GYPC: variants seen among roughly 807,000 people sequenced by gnomAD.
GYPC encodes the protein glycophorin C (Gerbich blood group), also known as glycophorin-C.
Under a neutral mutation model 12.6 loss-of-function variants are expected in GYPC, and 14 were observed. The ratio of observed to expected loss-of-function variants is 1.11; its 90% confidence interval spans 0.74 to 1.74. The LOEUF (loss-of-function observed/expected upper bound fraction) is 1.74. GYPC is among the 40% of genes most tolerant of loss of function. GYPC has a pLI of 0.00. For synonymous variants in GYPC, 78 were observed against 62.1 expected (o/e 1.26, Z -1.20); for missense variants, 225 against 172.1 (o/e 1.31, Z -1.72).
chr2:126,667,370 T>C (rs1018808921), intron 1 of GYPC, among the ~76,000 whole-genome samples: 1 of 152,160 alleles, frequency 6.6e-6, no homozygotes, highest in African/African-American at 2.4e-5. Flanking sequence ...CCTACATGCA[T>C]TGCCTATCAC....
At position 126,656,239 on chromosome 2, in the gene GYPC, T is replaced by C; in HGVS notation, c.-25T>C. ...GGCCCGGCCTGGCCAGTCCCCGCGGTCTCTGCCCGGGCTGACGCCCAGGAA... is the reference window on the plus strand; with the variant it reads ...GGCCCGGCCTGGCCAGTCCCCGCGGCCTCTGCCCGGGCTGACGCCCAGGAA... On this transcript the variant is annotated 5_prime_UTR_variant, in exon 1 of 4. Transcript: ENST00000259254. 6.3e-7 allele frequency: 1 copy of C among 1,589,432 alleles called. No individual in the cohort carries two copies. The highest frequency in any genetic ancestry group is 8.5e-7 in the Non-Finnish European group (1 of 1,169,984).
rs188201809 is a variant in GYPC, at chr2:126,680,387, C to A, written c.50-9868C>A. The A allele has an allele frequency of 1.1e-4, 17 of 152,268 alleles. No individual in the cohort carries two copies. In the East Asian group the frequency reaches 3.3e-3, roughly 29 times the overall value. 9.4% of individuals were successfully genotyped at this position (152,268 alleles called of 1,614,324 possible). A position where few individuals can be genotyped will look rare whatever the true frequency, so the allele number is the denominator to read the frequency against. On this transcript the variant is annotated intron_variant, in intron 1 of 3. Coordinates refer to ENST00000259254, the MANE Select transcript of GYPC (RefSeq NM_002101.5). ...AATCCAAGGGACAACCCGGAGCCTCCCCTCAAATAATCCTGGCAGCGGACT... is the reference window on the plus strand; with the variant it reads ...AATCCAAGGGACAACCCGGAGCCTCACCTCAAATAATCCTGGCAGCGGACT...
intron 1 of GYPC, among the ~76,000 whole-genome samples, chr2:126,676,086 C>G (rs948407348): frequency 6.6e-6 from 1 of 152,230 alleles, no homozygotes; most frequent in Non-Finnish European, 1.5e-5. Context: ...CTAGGAGCCT[C>G]TAATCCTGAT....
At chr2:126,666,555 T>C (rs1682683873) in intron 1 of GYPC, among the ~76,000 whole-genome samples, 1 of 152,164 alleles carries the variant, frequency 6.6e-6, no homozygotes, top group Admixed American at 6.5e-5. Flanking sequence ...ACTGGACCAG[T>C]CCTCGGTCCC....
rs537731907 is a variant in GYPC at position 126,670,552 on chromosome 2, T to C, written c.49+14240T>C. Among the ~76,000 whole-genome samples, 6 of 152,324 alleles carry C rather than the reference T, an allele frequency of 3.9e-5. No individual in the cohort carries two copies. In the East Asian group the frequency reaches 1.2e-3, roughly 29 times the overall value. The stretch of plus-strand genomic sequence containing the variant: ...GGGACTGAGGCAGCAGGGATGTGCC[T>C]GCGCTCTGACAAGAAGCAGGATATC... On this transcript the variant is annotated intron_variant, in intron 1 of 3. Transcript: ENST00000259254.
chr2:126,680,579 T>A (rs966292360), intron 1 of GYPC, among the ~76,000 whole-genome samples: 1 of 152,196 alleles, frequency 6.6e-6, no homozygotes, highest in Non-Finnish European at 1.5e-5. Context: ...GCCCAGCCTC[T>A]GACCTGCTCC....
At chr2:126,690,214 G>T (rs149219236) in intron 1 of GYPC, 41 bp from the exon 2 acceptor site, 67 of 1,505,310 alleles carry the variant, frequency 4.5e-5, no homozygotes, top group Non-Finnish European at 6.1e-5. Flanking sequence ...GGCATGGAGA[G>T]TCTTCCTCTC....
chr2:126,665,333 G>A (rs189483401), intron 1 of GYPC, among the ~76,000 whole-genome samples: 3 of 152,132 alleles, frequency 2.0e-5, no homozygotes, highest in Admixed American at 6.5e-5. Context: ...ATTCATTGTT[G>A]TTAATATCTT....
intron 1 of GYPC, among the ~76,000 whole-genome samples, chr2:126,688,331 C>T (rs1390151443): frequency 6.6e-6 from 1 of 152,102 alleles, no homozygotes; most frequent in Non-Finnish European, 1.5e-5. Context: ...TCTTTCTTTC[C>T]GAACTTTGAG....
intron 1 of GYPC, among the ~76,000 whole-genome samples, chr2:126,662,390 C>CCCTTCTGTATTTTTTCT (rs1245928672): frequency 2.6e-5 from 4 of 152,134 alleles, no homozygotes; most frequent in Non-Finnish European, 5.9e-5. Flanking sequence ...GTTCAGGTTC[C>CCCTTCTGTATTTTTTCT]CCTTCTGTAT....
At chr2:126,658,634 G>A (rs1682438593) in intron 1 of GYPC, 1 of 152,172 alleles carries the variant, frequency 6.6e-6, no homozygotes, top group South Asian at 2.1e-4. Context: ...TGAATGAAGA[G>A]TTAAAAATAG....
chr2:126,690,941 A>T (rs1452939458), intron 2 of GYPC, among the ~76,000 whole-genome samples: 1 of 152,026 alleles, frequency 6.6e-6, no homozygotes, highest in East Asian at 1.9e-4. Flanking sequence ...GGAAACATCT[A>T]CAATTTGAAA....
intron 2 of GYPC, among the ~76,000 whole-genome samples, chr2:126,693,614 C>T (rs1281941306): frequency 2.0e-5 from 3 of 152,172 alleles, no homozygotes. Flanking sequence ...AGGCAGATAA[C>T]TCAAATGGGC....
In GYPC at chr2:126,696,321, G is replaced by A. The variant is rs1558895803; in HGVS notation, c.*179G>A. 1.1e-5 allele frequency: 7 copies of A among 632,536 alleles called. No individual in the cohort carries two copies. The highest frequency in any genetic ancestry group is 8.6e-5 in the East Asian group (3 of 34,782). The allele number at this position is 632,536 out of a possible 1,614,324, so 39.2% of individuals were successfully genotyped here. ...CAGGGAGGAACGGAGGAGGACTCGCGCTACAAGAGGCCACTCCCAGGGACC... is the reference window on the plus strand; with the variant it reads ...CAGGGAGGAACGGAGGAGGACTCGCACTACAAGAGGCCACTCCCAGGGACC... On this transcript the variant is annotated 3_prime_UTR_variant, in exon 4 of 4. Transcript: ENST00000259254.
At chr2:126,681,293 T>C (rs2104793912) in intron 1 of GYPC, among the ~76,000 whole-genome samples, 1 of 152,314 alleles carries the variant, frequency 6.6e-6, no homozygotes, top group Middle Eastern at 3.4e-3. Context: ...TTTCTTCCTG[T>C]TGCTAAGTTC....
At chr2:126,685,019 G>C (rs747811963) in intron 1 of GYPC, among the ~76,000 whole-genome samples, 1 of 152,142 alleles carries the variant, frequency 6.6e-6, no homozygotes, top group Non-Finnish European at 1.5e-5. Flanking sequence ...AAATGGATGC[G>C]TGGGTAATAA....
Position 126,673,586 on chromosome 2 carries a change from A to G in GYPC, c.50-16669A>G, listed in dbSNP as rs557967552. Among the ~76,000 whole-genome samples the G allele has an allele frequency of 2.6e-5, 4 of 152,314 alleles. No homozygotes were observed. The South Asian group carries it at 8.3e-4, about 32-fold the overall frequency. On this transcript the variant is annotated intron_variant, in intron 1 of 3. Coordinates refer to ENST00000259254, the MANE Select transcript of GYPC (RefSeq NM_002101.5). ...GGTGTGAAATAACAATCCTAAAGCCACACCAATAGCAAATGGCGGAGCCAC... is the reference window on the plus strand; with the variant it reads ...GGTGTGAAATAACAATCCTAAAGCCGCACCAATAGCAAATGGCGGAGCCAC...
intron 1 of GYPC, among the ~76,000 whole-genome samples, chr2:126,683,806 C>T (rs1683213865): frequency 6.6e-6 from 1 of 152,148 alleles, no homozygotes; most frequent in South Asian, 2.1e-4. Context: ...AGCAAGACTC[C>T]AAGATGTACA....
chr2:126,689,330 TC>T (rs752659298), intron 1 of GYPC, among the ~76,000 whole-genome samples: 2 of 152,182 alleles, frequency 1.3e-5, no homozygotes, highest in Non-Finnish European at 2.9e-5. Flanking sequence ...TTGGTGTTCT[TC>T]CTGTGAGATG....
Sources: allele counts gnomAD v4.1 joint callset (sites outside exome capture counted in the v4.1 genomes callset), GRCh38; gene constraint gnomAD v4.1.1; transcripts MANE v1.5; gene names NCBI Gene and HGNC (gene_info 2026-07-23, HGNC 2026-07-21).